Variants in TENM2 observed in about 807,000 individuals in gnomAD.
TENM2 encodes teneurin-2.
A neutral mutation model predicts 245.2 loss-of-function variants in TENM2; 52 were observed. The ratio of observed to expected loss-of-function variants is 0.21; its 90% CI spans 0.17 to 0.27. The LOEUF (loss-of-function observed/expected upper bound fraction) is 0.27, where lower values mean the gene tolerates loss of function less well. Ranked by LOEUF, TENM2 falls within the 10% of genes least tolerant of loss-of-function variation. TENM2 has a pLI of 1.00. For missense variants in TENM2, 3,046 were observed against 3,666.8 expected (o/e 0.83, Z 4.37); for synonymous variants, 1,363 against 1,438.9 (o/e 0.95, Z 1.19).
the TENM2 span, among the ~76,000 whole-genome samples, chr5:167,252,577 G>T: frequency 6.6e-6 from 1 of 152,072 alleles, no homozygotes; most frequent in African/African-American, 2.4e-5. Flanking sequence ...GATCTGTATG[G>T]GTTATACCTG....
the TENM2 span, among the ~76,000 whole-genome samples, chr5:167,013,037 C>T: frequency 2.0e-5 from 3 of 152,142 alleles, no homozygotes; most frequent in Middle Eastern, 3.4e-3. Flanking sequence ...AGGGGCCAGA[C>T]CTTGTGGGCT....
chr5:167,964,000 G>A (rs1432253257), intron 4 of TENM2, among the ~76,000 whole-genome samples: 2 of 152,064 alleles, frequency 1.3e-5, no homozygotes, highest in East Asian at 3.9e-4. Flanking sequence ...TCAAACATAA[G>A]GCAGAACTAA....
chr5:167,879,475 A>G (rs534844155), intron 3 of TENM2, among the ~76,000 whole-genome samples: 14 of 152,114 alleles, frequency 9.2e-5, no homozygotes, highest in African/African-American at 1.7e-4. Flanking sequence ...TTCAAATCCT[A>G]TGGAATAACT....
chr5:167,244,686 T>TA, the TENM2 span, among the ~76,000 whole-genome samples: 1 of 152,172 alleles, frequency 6.6e-6, no homozygotes, highest in South Asian at 2.1e-4. Flanking sequence ...GATAAAACGT[T>TA]AGTCACTGTA....
chr5:167,550,688 TTG>T lies in TENM2; in HGVS notation c.502+175217_502+175218del, dbSNP rs1391576786. 2.2e-5 allele frequency among the ~76,000 whole-genome samples: 3 copies of T among 136,050 alleles called. 1 individual carries two copies. Among genetic ancestry groups the T allele is most frequent in the African/African-American group, 2.9e-5 (1 of 34,808 alleles). The allele number at this position is 136,050 out of a possible 152,430, so 89.3% of individuals were successfully genotyped here. A position where few individuals can be genotyped will look rare whatever the true frequency, so the allele number is the denominator to read the frequency against. On this transcript the variant is annotated intron_variant, in intron 2 of 28. Transcript: ENST00000518659. The stretch of plus-strand genomic sequence containing the variant: ...ACTTTCTACACAATTACCTTTTTTT[TTG>T]TTGTTGTTAGTGTGTGTGTGTGTGT...
chr5:167,124,963 G>A, the TENM2 span, among the ~76,000 whole-genome samples: 6 of 152,068 alleles, frequency 3.9e-5, no homozygotes, highest in Admixed American at 1.3e-4. Context: ...TGAAAAATAC[G>A]TTATTTCCCC....
intron 27 of TENM2, among the ~76,000 whole-genome samples, chr5:168,252,040 G>C (rs1375693713): frequency 1.3e-5 from 2 of 152,222 alleles, no homozygotes; most frequent in Admixed American, 6.5e-5. Context: ...ATATATGGAT[G>C]ATTGACATAC....
At chr5:167,297,484 A>C (rs1417872102) in intron 1 of TENM2, 1 of 152,194 alleles carries the variant, frequency 6.6e-6, no homozygotes, top group East Asian at 1.9e-4. Context: ...TGTAACAGGT[A>C]ACAGTTGATT....
chr5:167,044,007 A>G, the TENM2 span, among the ~76,000 whole-genome samples: 1 of 147,750 alleles, frequency 6.8e-6, no homozygotes, highest in African/African-American at 2.5e-5. Flanking sequence ...TGACAGAGCG[A>G]GACTGCATCT....
intron 13 of TENM2, among the ~76,000 whole-genome samples, chr5:168,182,009 C>T (rs888758799): frequency 1.3e-5 from 2 of 152,102 alleles, no homozygotes; most frequent in South Asian, 2.1e-4. Flanking sequence ...TGAGAATGGC[C>T]GTTGCTCTGT....
In TENM2 at chr5:168,253,006, G is replaced by A. The variant is rs1349620646; in HGVS notation, c.7432+4635G>A. On this transcript the variant is annotated intron_variant, in intron 27 of 28. Transcript: ENST00000518659. ...TTTTGAGACAGAGTCTTGCTCTGTC[G>A]CCCAGGCTGGAGTGCAGTGGCATGA... 3.9e-5 allele frequency among the ~76,000 whole-genome samples: 6 copies of A among 152,002 alleles called. No homozygotes were observed. In the East Asian group the frequency reaches 5.8e-4, roughly 15 times the overall value.
chr5:167,378,378 CTTT>C (rs34403067), intron 2 of TENM2, among the ~76,000 whole-genome samples: 2 of 110,076 alleles, frequency 1.8e-5, no homozygotes, highest in African/African-American at 3.9e-5. Context: ...CTTTCTTCTT[CTTT>C]TTTTTTTTTT....
chr5:167,303,503 G>A (rs546643547), intron 1 of TENM2: 1 of 152,302 alleles, frequency 6.6e-6, no homozygotes, highest in East Asian at 1.9e-4. Flanking sequence ...TTTTGAGCCA[G>A]GATGAGCCAG....
chr5:167,736,438 A>T (rs1254241538), intron 2 of TENM2, among the ~76,000 whole-genome samples: 1 of 152,122 alleles, frequency 6.6e-6, no homozygotes, highest in African/African-American at 2.4e-5. Flanking sequence ...CAGGAGAGTC[A>T]TTTACCTATA....
chr5:167,084,365 A>ATATATATATATATATATATG, the TENM2 span, among the ~76,000 whole-genome samples: 7 of 122,480 alleles, frequency 5.7e-5, no homozygotes, highest in African/African-American at 2.1e-4. Flanking sequence ...ATATATATAT[A>ATATATATATATATATATATG]TACAGATCAG....
chr5:167,542,257 A>C (rs1346510943), intron 2 of TENM2, among the ~76,000 whole-genome samples: 2 of 152,180 alleles, frequency 1.3e-5, no homozygotes, highest in African/African-American at 4.8e-5. Context: ...AGTCACTAAG[A>C]AGGCGCTTTG....
At chr5:167,495,371 G>A (rs1768746310) in intron 2 of TENM2, among the ~76,000 whole-genome samples, 1 of 151,730 alleles carries the variant, frequency 6.6e-6, no homozygotes, top group Non-Finnish European at 1.5e-5. Flanking sequence ...AGCCTACAGT[G>A]GCAACCCCTT....
At chr5:167,209,337 C>T in the TENM2 span, among the ~76,000 whole-genome samples, 46 of 150,188 alleles carry the variant, frequency 3.1e-4, no homozygotes, top group South Asian at 9.1e-3. Flanking sequence ...GATCTCGGCT[C>T]ACTGCAACCT....
chr5:167,530,625 C>T (rs761713033), intron 2 of TENM2, among the ~76,000 whole-genome samples: 1 of 152,180 alleles, frequency 6.6e-6, no homozygotes, highest in South Asian at 2.1e-4. Context: ...AAACAAGGTT[C>T]CCCCAGATCC....
Sources: gnomAD v4.1 joint callset for allele counts (sites outside exome capture counted in the v4.1 genomes callset) on GRCh38, gnomAD v4.1.1 for gene constraint, MANE v1.5 for transcripts, NCBI Gene and HGNC (gene_info 2026-07-23, HGNC 2026-07-21) for gene names.